NAALADL2: variants seen among roughly 807,000 people sequenced by gnomAD.
NAALADL2 encodes N-acetylated alpha-linked acidic dipeptidase like 2.
Under a neutral mutation model 87.2 loss-of-function variants are expected in NAALADL2, and 76 were observed. The observed-to-expected ratio is 0.87, with a 90% CI of 0.72 to 1.05. The LOEUF (loss-of-function observed/expected upper bound fraction) is 1.05, where lower values mean the gene tolerates loss of function less well. Ranked by LOEUF, NAALADL2 falls within the 50% of genes least tolerant of loss-of-function variation. The probability of loss-of-function intolerance (pLI) is 0.00; values close to 1 mark genes in which losing one functional copy is unlikely to be tolerated. For missense variants in NAALADL2, 1,089 were observed against 945.8 expected (o/e 1.15, Z -1.99); for synonymous variants, 354 against 331.0 (o/e 1.07, Z -0.75).
At chr3:174,936,922 C>T (rs1034371469) in intron 1 of NAALADL2, among the ~76,000 whole-genome samples, 1 of 152,024 alleles carries the variant, frequency 6.6e-6, no homozygotes, top group Non-Finnish European at 1.5e-5. Flanking sequence ...GGGACGATTT[C>T]GTGGGAGCAC....
intron 2 of NAALADL2, among the ~76,000 whole-genome samples, chr3:174,628,367 C>G (rs899492664): frequency 2.7e-5 from 4 of 149,080 alleles, no homozygotes; most frequent in Admixed American, 6.8e-5. Flanking sequence ...ATCCCAGCTA[C>G]TTGGGAGGCT....
chr3:174,744,410 T>A (rs1360527124), intron 3 of NAALADL2, among the ~76,000 whole-genome samples: 1 of 151,952 alleles, frequency 6.6e-6, no homozygotes, highest in Non-Finnish European at 1.5e-5. Context: ...CAATCCTAAA[T>A]ATATATGCAC....
intron 2 of NAALADL2, among the ~76,000 whole-genome samples, chr3:175,133,554 C>T (rs1309073785): frequency 6.6e-6 from 1 of 152,186 alleles, no homozygotes; most frequent in Non-Finnish European, 1.5e-5. Context: ...ACCCCGTCTC[C>T]ACCAAAAAAA....
chr3:174,549,650 G>A (rs567506328), intron 1 of NAALADL2, among the ~76,000 whole-genome samples: 10 of 152,280 alleles, frequency 6.6e-5, no homozygotes, highest in Non-Finnish European at 1.3e-4. Context: ...GTTCAGTAAT[G>A]ATGTTTTAAA....
At chr3:175,685,668 G>T (rs981186822) in intron 11 of NAALADL2, among the ~76,000 whole-genome samples, 8 of 152,086 alleles carry the variant, frequency 5.3e-5, no homozygotes, top group Non-Finnish European at 1.2e-4. Flanking sequence ...GTCCAAAGGA[G>T]AGGTGATGGT....
Position 175,576,077 on chromosome 3 carries a change from C to T in NAALADL2, c.1690C>T (p.Pro564Ser). ...CAACTGTACCAGAAGAGCCCAGTGC[C>T]CAGAAACCAATATCAGTTCTATACA... ...NFNCTRRAQC[P>S]ETNISSIQIQ... Residue 564 changes from proline to serine, a missense_variant, in exon 10 of 14, where the codon CCA becomes TCA. Pro to Ser is a moderately conservative substitution (Grantham distance 74). Coordinates refer to ENST00000454872, the MANE Select transcript of NAALADL2 (RefSeq NM_207015.3). The T allele has an allele frequency of 6.2e-7, 1 of 1,613,008 alleles. No homozygotes were observed. The highest frequency in any genetic ancestry group is 8.5e-7 in the Non-Finnish European group (1 of 1,179,392).
At chr3:175,258,286 C>T (rs962885909) in intron 4 of NAALADL2, among the ~76,000 whole-genome samples, 64 of 126,602 alleles carry the variant, frequency 5.1e-4, no homozygotes, top group Admixed American at 9.8e-5. Context: ...CCAGCCTGGG[C>T]AACAGAGGGC....
chr3:174,850,698 G>A (rs937651691), intron 3 of NAALADL2, among the ~76,000 whole-genome samples: 9 of 151,942 alleles, frequency 5.9e-5, no homozygotes, highest in African/African-American at 1.7e-4. Context: ...TTTCAGCACT[G>A]GACATATCAC....
At chr3:174,519,006 T>C (rs1459371371) in intron 1 of NAALADL2, among the ~76,000 whole-genome samples, 1 of 152,208 alleles carries the variant, frequency 6.6e-6, no homozygotes, top group Non-Finnish European at 1.5e-5. Flanking sequence ...AGAATATCTC[T>C]GAGTTAACAA....
intron 2 of NAALADL2, among the ~76,000 whole-genome samples, chr3:174,712,910 G>A (rs1028266665): frequency 5.1e-4 from 77 of 152,140 alleles, no homozygotes; most frequent in Admixed American, 1.0e-3. Context: ...CCAGTAACTC[G>A]TCATTTAACA....
At chr3:175,747,241 C>A (rs1746044805) in intron 12 of NAALADL2, among the ~76,000 whole-genome samples, 2 of 152,270 alleles carry the variant, frequency 1.3e-5, no homozygotes, top group South Asian at 4.1e-4. Context: ...TTCTGTCTCA[C>A]AATTTGGTGC....
chr3:174,951,440 G>A (rs1043653795), intron 1 of NAALADL2, among the ~76,000 whole-genome samples: 31 of 151,980 alleles, frequency 2.0e-4, no homozygotes, highest in African/African-American at 6.3e-4. Context: ...GAAAATAGGC[G>A]GAGTGAATTT....
intron 12 of NAALADL2, among the ~76,000 whole-genome samples, chr3:175,744,468 T>C (rs1745658297): frequency 6.6e-6 from 1 of 152,186 alleles, no homozygotes; most frequent in South Asian, 2.1e-4. Context: ...GAGGCCAGAC[T>C]TGAGATGTAC....
intron 3 of NAALADL2, among the ~76,000 whole-genome samples, chr3:174,799,502 T>C (rs530280036): frequency 5.9e-5 from 9 of 152,286 alleles, no homozygotes; most frequent in Non-Finnish European, 8.8e-5. Context: ...CCATGTAAGA[T>C]GTGACTTGCT....
chr3:175,786,621 G>T (rs1485280684), intron 13 of NAALADL2, among the ~76,000 whole-genome samples: 2 of 152,048 alleles, frequency 1.3e-5, no homozygotes, highest in African/African-American at 2.4e-5. Flanking sequence ...TTCAAAGTTT[G>T]CCACTTCTTT....
chr3:175,181,794 T>C (rs1736595821), intron 2 of NAALADL2, among the ~76,000 whole-genome samples: 1 of 146,960 alleles, frequency 6.8e-6, no homozygotes, highest in South Asian at 2.1e-4. Context: ...TATATGTGTG[T>C]GTGTATATAT....
intron 1 of NAALADL2, among the ~76,000 whole-genome samples, chr3:174,941,561 C>T (rs1738596828): frequency 6.6e-6 from 1 of 151,996 alleles, no homozygotes; most frequent in African/African-American, 2.4e-5. Flanking sequence ...TGTTAATTTT[C>T]TGCCTTGACA....
Position 174,698,640 on chromosome 3 carries a change from A to G in NAALADL2, c.-114-39001A>G, listed in dbSNP as rs546373764. Among the ~76,000 whole-genome samples the G allele has an allele frequency of 3.7e-4, 36 of 96,300 alleles. 1 individual carries two copies. The highest frequency in any genetic ancestry group is 5.8e-4 in the Non-Finnish European group (33 of 57,256). 63.2% of individuals were successfully genotyped at this position (96,300 alleles called of 152,430 possible). A position where few individuals can be genotyped will look rare whatever the true frequency, so the allele number is the denominator to read the frequency against. ...AGCACTTTGGGAGGCCGAGGCGGGC[A>G]GATCACGAGGTCAGGAGATCGAGAC... On this transcript the variant is annotated intron_variant, in intron 2 of 3. Coordinates refer to the NAALADL2 transcript ENST00000434257.
At chr3:175,329,533 C>CCATT in intron 5 of NAALADL2, among the ~76,000 whole-genome samples, 1 of 152,286 alleles carries the variant, frequency 6.6e-6, no homozygotes, top group East Asian at 1.9e-4. Flanking sequence ...CAATGTTGAA[C>CCATT]CATTCCCTGA....
Sources: allele counts gnomAD v4.1 joint callset (sites outside exome capture counted in the v4.1 genomes callset), GRCh38; gene constraint gnomAD v4.1.1; transcripts MANE v1.5; gene names NCBI Gene and HGNC (gene_info 2026-07-23, HGNC 2026-07-21).